Variants in BICD1 observed in about 807,000 individuals in gnomAD.
BICD1 encodes protein bicaudal D homolog 1.
In BICD1, 35 loss-of-function variants were observed where a neutral mutation model predicts 92.5. That is an observed-to-expected ratio of 0.38 (90% CI 0.29 to 0.50). The LOEUF (loss-of-function observed/expected upper bound fraction) is 0.50. BICD1 is among the 20% of genes least tolerant of loss of function. The probability of loss-of-function intolerance (pLI) is 0.93; values close to 1 mark genes in which losing one functional copy is unlikely to be tolerated. For missense variants in BICD1, 950 were observed against 1,189.8 expected, an observed-to-expected ratio of 0.80 and a Z score of 2.97; for synonymous variants, 429 against 465.1, an observed-to-expected ratio of 0.92 and a Z score of 1.00.
At chr12:32,358,395 C>T (rs1939198486) in intron 8 of BICD1, among the ~76,000 whole-genome samples, 1 of 151,538 alleles carries the variant, frequency 6.6e-6, no homozygotes, top group Non-Finnish European at 1.5e-5. Context: ...GCCACTGCGC[C>T]TGGACTCACT....
chr12:32,197,389 G>A (rs577313141), intron 1 of BICD1, among the ~76,000 whole-genome samples: 1 of 152,242 alleles, frequency 6.6e-6, no homozygotes, highest in Admixed American at 6.5e-5. Context: ...GCATTGGCAG[G>A]GTTATGAGTT....
chr12:32,169,118 G>A (rs1943860364), intron 1 of BICD1, among the ~76,000 whole-genome samples: 1 of 152,134 alleles, frequency 6.6e-6, no homozygotes, highest in Admixed American at 6.5e-5. Context: ...GATTAACTCT[G>A]TGGAGTTTAA....
intron 1 of BICD1, among the ~76,000 whole-genome samples, chr12:32,157,551 G>A (rs890012268): frequency 3.9e-5 from 6 of 152,110 alleles, no homozygotes; most frequent in Admixed American, 3.3e-4. Context: ...TCAATCAAGG[G>A]TGCTCTCCAC....
rs1948199294 is a variant in BICD1 at position 32,305,889 on chromosome 12, C to T, written c.772C>T (p.Leu258Phe). Residue 258 changes from leucine to phenylalanine, a missense_variant, in exon 4 of 10, where the codon CTC becomes TTC. Leu to Phe is a conservative substitution (Grantham distance 22). Transcript: ENST00000652176. Reference sequence around the variant, plus strand: ...GAAGGAGCTCTCCCAGTATATCAGCCTCAATGATAACCATATCAGCATCTC... The same window carrying T: ...GAAGGAGCTCTCCCAGTATATCAGCTTCAATGATAACCATATCAGCATCTC... ...LRKELSQYIS[L>F]NDNHISISVD... is the part of the protein sequence containing the mutation. 6.2e-7 allele frequency: 1 copy of T among 1,614,122 alleles called. No individual in the cohort carries two copies. The highest frequency in any genetic ancestry group is 1.1e-5 in the South Asian group (1 of 91,074).
chr12:32,300,011 T>C (rs1281202942), intron 3 of BICD1, among the ~76,000 whole-genome samples: 1 of 152,120 alleles, frequency 6.6e-6, no homozygotes, highest in Non-Finnish European at 1.5e-5. Context: ...GAAGCAGCCA[T>C]AGACAACATG....
chr12:32,338,638 T>TAA (rs5797471), intron 7 of BICD1, 148 bp from the exon 8 acceptor site: 57,775 of 574,520 alleles, frequency 0.1, 2,060 homozygotes, highest in African/African-American at 0.24. Flanking sequence ...ATGTGGAAAC[T>TAA]AAAAAAAAAA....
chr12:32,253,660 AT>A (rs1946624358), intron 2 of BICD1, among the ~76,000 whole-genome samples: 1 of 152,106 alleles, frequency 6.6e-6, no homozygotes, highest in South Asian at 2.1e-4. Flanking sequence ...CTTCTTTTTT[AT>A]TTTTAACATT....
At chr12:32,136,679 A>G (rs1942746932) in intron 1 of BICD1, among the ~76,000 whole-genome samples, 1 of 152,208 alleles carries the variant, frequency 6.6e-6, no homozygotes, top group African/African-American at 2.4e-5. Flanking sequence ...GGGGATCGGT[A>G]TTGTAGCAAT....
At chr12:32,177,682 A>ATTCTTTTTTTTTTTT (rs766041969) in intron 1 of BICD1, among the ~76,000 whole-genome samples, 1 of 43,036 alleles carries the variant, frequency 2.3e-5, no homozygotes. Flanking sequence ...AAGAAAACAC[A>ATTCTTTTTTTTTTTT]TTATTAAAGT....
chr12:32,305,657 A>T (rs958720665), intron 3 of BICD1, 40 bp from the exon 4 acceptor site: 41 of 1,537,598 alleles, frequency 2.7e-5, no homozygotes, highest in Non-Finnish European at 3.3e-5. Flanking sequence ...TAAGATCCAC[A>T]TTTTAGTTTT....
At chr12:32,283,630 A>G (rs552595046) in intron 2 of BICD1, among the ~76,000 whole-genome samples, 2 of 152,216 alleles carry the variant, frequency 1.3e-5, no homozygotes, top group South Asian at 4.1e-4. Context: ...GGATCAAAGG[A>G]TAGGAAACGT....
chr12:32,158,825 C>T (rs1321320289), intron 1 of BICD1, among the ~76,000 whole-genome samples: 1 of 152,196 alleles, frequency 6.6e-6, no homozygotes, highest in Non-Finnish European at 1.5e-5. Context: ...GTTTTGTTTT[C>T]CTAGGGCCTT....
chr12:32,306,438 G>A (rs1259546773), intron 4 of BICD1, among the ~76,000 whole-genome samples: 8 of 151,874 alleles, frequency 5.3e-5, no homozygotes, highest in Non-Finnish European at 1.0e-4. Flanking sequence ...TAGAGACGGG[G>A]TTTCACCGTA....
rs1406573088 is a variant in BICD1, at chr12:32,350,596, T to A, written c.2764+11617T>A. The stretch of plus-strand genomic sequence containing the variant: ...CTCATCAACCAGCAAAGATTCCTAG[T>A]GCACCACACTCGTTATAGAGCAGGG... On this transcript the variant is annotated intron_variant, in intron 8 of 9. Transcript: ENST00000652176. 2.6e-5 allele frequency among the ~76,000 whole-genome samples: 4 copies of A among 152,224 alleles called. No individual in the cohort carries two copies. In the East Asian group the frequency reaches 7.7e-4, roughly 29 times the overall value.
chr12:32,226,652 C>T (rs947916847), intron 2 of BICD1, among the ~76,000 whole-genome samples: 4 of 152,144 alleles, frequency 2.6e-5, no homozygotes, highest in Non-Finnish European at 5.9e-5. Context: ...CAGGCCAGGA[C>T]CCAGGCTTCA....
At chr12:32,210,172 GC>G (rs1388299596) in intron 1 of BICD1, among the ~76,000 whole-genome samples, 1 of 151,752 alleles carries the variant, frequency 6.6e-6, no homozygotes, top group Non-Finnish European at 1.5e-5. Flanking sequence ...AGTGCCTAAA[GC>G]AGTGCCTGAC....
chr12:32,334,407 C>G, intron 5 of BICD1, 109 bp from the exon 6 acceptor site: 1 of 1,168,996 alleles, frequency 8.6e-7, no homozygotes, highest in Non-Finnish European at 1.1e-6. Flanking sequence ...GTAACCAAAT[C>G]AATTTCACTT....
rs141500505 is a variant in BICD1, at chr12:32,192,127, G to C, written c.214-24120G>C. Among the ~76,000 whole-genome samples, 1,025 of 152,226 alleles carry C rather than the reference G, an allele frequency of 6.7e-3. 2 individuals carry two copies. The highest frequency in any genetic ancestry group is 9.2e-3 in the Non-Finnish European group (625 of 68,020). ...GAAGGAAATTAAAAGTGCTATTCCA[G>C]TGAACACACAAAAGATAAAGCAGGC... is the stretch of plus-strand genomic sequence containing the variant. On this transcript the variant is annotated intron_variant, in intron 1 of 9. Transcript: ENST00000652176.
intron 2 of BICD1, among the ~76,000 whole-genome samples, chr12:32,238,966 G>T (rs917665904): frequency 2.3e-5 from 3 of 132,426 alleles, no homozygotes; most frequent in African/African-American, 9.2e-5. Flanking sequence ...AAAAAAAAAG[G>T]CTGGGCGCAG....
Sources: allele counts gnomAD v4.1 joint callset (sites outside exome capture counted in the v4.1 genomes callset), GRCh38; gene constraint gnomAD v4.1.1; transcripts MANE v1.5; gene names NCBI Gene and HGNC (gene_info 2026-07-23, HGNC 2026-07-21).